The following FAM13A variants were observed in gnomAD, a reference collection of about 807,000 sequenced individuals.
FAM13A encodes family with sequence similarity 13 member A, also known as protein FAM13A.
A neutral mutation model predicts 129.6 loss-of-function variants in FAM13A; 76 were observed. The observed-to-expected ratio is 0.59, with a 90% CI of 0.49 to 0.71. FAM13A has a LOEUF of 0.71. FAM13A is among the 30% of genes least tolerant of loss of function. FAM13A has a pLI of 0.00. For synonymous variants in FAM13A, 443 were observed against 449.9 expected, an observed-to-expected ratio of 0.98 and a Z score of 0.20; for missense variants, 1,108 against 1,249.3, an observed-to-expected ratio of 0.89 and a Z score of 1.70.
In FAM13A at chr4:89,020,480, C is replaced by G; in HGVS notation, c.407G>C (p.Arg136Pro). The change falls in exon 3 of 24, where the codon CGA becomes CCA. Residue 136 changes from arginine (R) to proline (P), a missense_variant. Around this residue, in one of 3 missense-constraint regions of FAM13A, gnomAD observed 566 missense variants for 595.7 expected, o/e 0.95. Transcript: ENST00000264344. ...CTAACCCTGAAAGAGTTGAATGAAT[C>G]GAGGCTGCAACGCTGAGGTGATCAG... The part of the protein sequence containing the change: ...DSLITSALQP[R>P]FIQLFQDGRN... 6.2e-7 allele frequency: 1 copy of G among 1,613,638 alleles called. No homozygotes were observed. The highest frequency in any genetic ancestry group is 8.5e-7 in the Non-Finnish European group (1 of 1,179,700).
chr4:88,937,903 T>G, intron 5 of FAM13A, 185 bp downstream of exon 5: 2 of 573,974 alleles, frequency 3.5e-6, no homozygotes, highest in Non-Finnish European at 6.1e-6. Flanking sequence ...TATTCTTGAA[T>G]TTTAGAAGGC....
intron 6 of FAM13A, among the ~76,000 whole-genome samples, chr4:88,885,284 A>C (rs529226564): frequency 6.6e-6 from 1 of 152,334 alleles, no homozygotes; most frequent in South Asian, 2.1e-4. Context: ...ATAGTCACCA[A>C]AACAGCATAG....
chr4:89,040,712 C>G (rs1343363127), intron 1 of FAM13A, among the ~76,000 whole-genome samples: 4 of 152,042 alleles, frequency 2.6e-5, no homozygotes, highest in African/African-American at 9.7e-5. Context: ...GAAGGATGAC[C>G]CATGCGGTCT....
At position 89,030,179 on chromosome 4, in the gene FAM13A, C is replaced by T. The variant is rs149408346; in HGVS notation, c.28-530G>A. On this transcript the variant is annotated intron_variant, in intron 1 of 23. Transcript: ENST00000264344. ...TAAATATCTCAGTAATCTTCTGGAA[C>T]ATAATATCAACTCAGTTCTTACTGA... is the stretch of plus-strand genomic sequence containing the variant. Among the ~76,000 whole-genome samples, 302 of 152,104 alleles carry T rather than the reference C, an allele frequency of 2.0e-3. 1 individual carries two copies. Among genetic ancestry groups the T allele is most frequent in the African/African-American group, 6.7e-3 (279 of 41,496 alleles).
intron 4 of FAM13A, among the ~76,000 whole-genome samples, chr4:88,955,161 T>C: frequency 6.6e-6 from 1 of 152,162 alleles, no homozygotes; most frequent in African/African-American, 2.4e-5. Flanking sequence ...TGTGTTTTTA[T>C]TATGCTTAGA....
chr4:88,895,176 CTACTAA>C (rs1309558095), intron 6 of FAM13A, among the ~76,000 whole-genome samples: 1 of 152,034 alleles, frequency 6.6e-6, no homozygotes, highest in South Asian at 2.1e-4. Flanking sequence ...ATTTCTATTA[CTACTAA>C]TACTATTACT....
In FAM13A at chr4:88,805,815, C is replaced by T. The variant is rs1481366585; in HGVS notation, c.1008-763G>A. On this transcript the variant is annotated intron_variant, in intron 7 of 23. Coordinates refer to ENST00000264344, the MANE Select transcript of FAM13A (RefSeq NM_014883.4). The stretch of plus-strand genomic sequence containing the variant: ...TCTGGGGTATCTGGGACCACAGGCA[C>T]GTGCTACCATGTCAGGCTAGTTTTT... Among the ~76,000 whole-genome samples the T allele has an allele frequency of 2.6e-5, 4 of 151,600 alleles. No homozygotes were observed. In the East Asian group the frequency reaches 5.8e-4, roughly 22 times the overall value.
At chr4:88,771,929 A>T (rs1468041967) in intron 11 of FAM13A, among the ~76,000 whole-genome samples, 1 of 152,218 alleles carries the variant, frequency 6.6e-6, no homozygotes, top group African/African-American at 2.4e-5. Context: ...AAAAGCCTTG[A>T]TAAAAGTTCA....
rs1728315612 is a variant in FAM13A, at chr4:88,805,179, G to A, written c.1008-127C>T. 5 of 626,960 alleles carry A rather than the reference G, an allele frequency of 8.0e-6. No individual in the cohort carries two copies. In the South Asian group the frequency reaches 9.4e-5, roughly 12 times the overall value. 38.8% of individuals were successfully genotyped at this position (626,960 alleles called of 1,614,324 possible). ...TAAAGCCAATCACATGATGGAATAA[G>A]GTTAGTAAAACATGATCCACCTCGG... On this transcript the variant is annotated intron_variant, in intron 7 of 23. Coordinates refer to ENST00000264344, the MANE Select transcript of FAM13A (RefSeq NM_014883.4).
chr4:88,749,345 C>T (rs889579060), intron 16 of FAM13A, among the ~76,000 whole-genome samples: 4 of 152,200 alleles, frequency 2.6e-5, no homozygotes, highest in African/African-American at 9.6e-5. Flanking sequence ...GTGTAGAAAA[C>T]AGAGGGGTAT....
At chr4:89,006,724 T>C (rs72875813) in intron 3 of FAM13A, among the ~76,000 whole-genome samples, 1,800 of 152,214 alleles carry the variant, frequency 0.012, 20 homozygotes, top group Middle Eastern at 0.031. Flanking sequence ...TCAGGTCACA[T>C]GGATTTGAAG....
At chr4:89,034,155 T>C (rs1373321904) in intron 1 of FAM13A, among the ~76,000 whole-genome samples, 2 of 152,124 alleles carry the variant, frequency 1.3e-5, no homozygotes, top group East Asian at 3.9e-4. Context: ...GCCTACAGAA[T>C]GGGAGGAAAT....
chr4:88,805,543 C>A (rs1190510519), intron 7 of FAM13A, among the ~76,000 whole-genome samples: 4 of 152,156 alleles, frequency 2.6e-5, no homozygotes, highest in Non-Finnish European at 5.9e-5. Context: ...GGCTCTTTGT[C>A]CTTCTGTAGT....
intron 4 of FAM13A, among the ~76,000 whole-genome samples, chr4:88,964,385 T>A (rs1759060668): frequency 1.3e-5 from 2 of 152,096 alleles, no homozygotes; most frequent in South Asian, 4.1e-4. Context: ...TGCAGGTAGG[T>A]CATTGTGTAT....
chr4:89,055,683 A>G (rs934943859), intron 1 of FAM13A, among the ~76,000 whole-genome samples: 9 of 152,316 alleles, frequency 5.9e-5, no homozygotes, highest in South Asian at 4.1e-4. Flanking sequence ...GCAGTAAAGT[A>G]AAAGTCAGTA....
intron 4 of FAM13A, among the ~76,000 whole-genome samples, chr4:88,984,249 A>G (rs1761971862): frequency 6.6e-6 from 1 of 152,176 alleles, no homozygotes; most frequent in African/African-American, 2.4e-5. Flanking sequence ...TTTCTCAGGT[A>G]CAACACAAAA....
At chr4:88,953,087 A>G (rs1261517790) in intron 4 of FAM13A, among the ~76,000 whole-genome samples, 2 of 152,180 alleles carry the variant, frequency 1.3e-5, no homozygotes. Context: ...GTACAATTCA[A>G]TGCTTTTAGT....
At chr4:88,906,335 G>T in intron 6 of FAM13A, 44 bp downstream of exon 6, 1 of 1,233,278 alleles carries the variant, frequency 8.1e-7, no homozygotes, top group Non-Finnish European at 1.2e-6. Flanking sequence ...AAAGAACCAT[G>T]CTAAAGATTT....
chr4:88,871,376 G>A (rs1359363766), intron 6 of FAM13A, among the ~76,000 whole-genome samples: 3 of 152,296 alleles, frequency 2.0e-5, no homozygotes, highest in Middle Eastern at 3.4e-3. Flanking sequence ...TGAAGCCATC[G>A]TAAGGAAGCT....
Sources: gnomAD v4.1 joint callset for allele counts (sites outside exome capture counted in the v4.1 genomes callset) on GRCh38, gnomAD v4.1.1 for gene constraint, gnomAD v4.1.1 regional missense constraint, MANE v1.5 for transcripts, NCBI Gene and HGNC (gene_info 2026-07-23, HGNC 2026-07-21) for gene names.